The following KCNMA1 variants were observed in gnomAD, a reference collection of about 807,000 sequenced individuals.
The protein encoded by KCNMA1 is Calcium-activated potassium channel subunit alpha-1.
Under a neutral mutation model 140.0 loss-of-function variants are expected in KCNMA1, and 29 were observed. That is an observed-to-expected ratio of 0.21 (90% CI 0.15 to 0.28). The LOEUF (loss-of-function observed/expected upper bound fraction) is 0.28. Ranked by LOEUF, KCNMA1 falls within the 10% of genes least tolerant of loss-of-function variation. The pLI is 1.00. For synonymous variants in KCNMA1, 612 were observed against 611.9 expected, an observed-to-expected ratio of 1.00 and a Z score of 0.00; for missense variants, 880 against 1,602.2, an observed-to-expected ratio of 0.55 and a Z score of 7.70.
At chr10:77,424,024 A>T (rs1186102953) in intron 1 of KCNMA1, among the ~76,000 whole-genome samples, 1 of 152,226 alleles carries the variant, frequency 6.6e-6, no homozygotes. Flanking sequence ...TTGGCAGAGG[A>T]ATGGGACACT....
intron 1 of KCNMA1, among the ~76,000 whole-genome samples, chr10:77,515,203 A>T (rs954793365): frequency 6.6e-6 from 1 of 152,104 alleles, no homozygotes; most frequent in Non-Finnish European, 1.5e-5. Context: ...TGCATTCAGC[A>T]CCGGGGGATG....
intron 1 of KCNMA1, among the ~76,000 whole-genome samples, chr10:77,422,823 CG>C (rs1566749558): frequency 2.0e-5 from 3 of 152,166 alleles, no homozygotes; most frequent in African/African-American, 7.2e-5. Context: ...AGCAGAAACA[CG>C]GAAGATGCAA....
At chr10:76,902,664 C>T (rs2046006920) in intron 25 of KCNMA1, 1 of 152,180 alleles carries the variant, frequency 6.6e-6, no homozygotes, top group Non-Finnish European at 1.5e-5. Flanking sequence ...CAACGTGGCC[C>T]CCTGGTTATG....
chr10:76,937,520 T>C (rs943283701), intron 23 of KCNMA1, among the ~76,000 whole-genome samples: 1 of 152,174 alleles, frequency 6.6e-6, no homozygotes, highest in African/African-American at 2.4e-5. Flanking sequence ...CATGCAGAGG[T>C]CCTCAATGCA....
At chr10:77,600,869 G>A (rs960113615) in intron 1 of KCNMA1, among the ~76,000 whole-genome samples, 1 of 152,052 alleles carries the variant, frequency 6.6e-6, no homozygotes, top group Middle Eastern at 3.2e-3. Context: ...ATGCACCAAG[G>A]GCTTCTGTTC....
intron 1 of KCNMA1, among the ~76,000 whole-genome samples, chr10:77,557,876 C>T (rs183805590): frequency 7.9e-4 from 121 of 152,242 alleles, no homozygotes; most frequent in African/African-American, 2.8e-3. Flanking sequence ...TCTTGAACTC[C>T]TGACCTCAGG....
chr10:77,274,207 C>T (rs116400803), intron 2 of KCNMA1, among the ~76,000 whole-genome samples: 2,475 of 152,204 alleles, frequency 0.016, 64 homozygotes, highest in African/African-American at 0.056. Flanking sequence ...CCAGATATGG[C>T]CAGCCAGAAT....
intron 1 of KCNMA1, among the ~76,000 whole-genome samples, chr10:77,537,716 T>A (rs937476336): frequency 1.1e-3 from 167 of 152,086 alleles, no homozygotes; most frequent in African/African-American, 3.9e-3. Context: ...GAACAATCTA[T>A]TATTGTGACT....
intron 1 of KCNMA1, among the ~76,000 whole-genome samples, chr10:77,492,911 A>G (rs1290735138): frequency 6.6e-6 from 1 of 152,228 alleles, no homozygotes; most frequent in East Asian, 1.9e-4. Context: ...TATCATATTT[A>G]ATGCTCATAA....
chr10:77,421,497 G>C (rs751287926), intron 1 of KCNMA1, among the ~76,000 whole-genome samples: 2 of 152,164 alleles, frequency 1.3e-5, no homozygotes, highest in Non-Finnish European at 2.9e-5. Context: ...TTTAGCATAT[G>C]GTCTCTGTTG....
At chr10:77,351,679 G>A (rs1347949290) in intron 2 of KCNMA1, among the ~76,000 whole-genome samples, 1 of 152,118 alleles carries the variant, frequency 6.6e-6, no homozygotes, top group East Asian at 1.9e-4. Context: ...TCTGCAAATT[G>A]TTTATATGAG....
intron 5 of KCNMA1, among the ~76,000 whole-genome samples, chr10:77,123,111 C>T (rs1032826544): frequency 3.1e-5 from 4 of 129,598 alleles, no homozygotes; most frequent in Admixed American, 9.1e-5. Context: ...ACCCGGGAGG[C>T]GGAGCTTGCA....
intron 2 of KCNMA1, among the ~76,000 whole-genome samples, chr10:77,282,168 C>T (rs543440873): frequency 6.6e-6 from 1 of 152,288 alleles, no homozygotes; most frequent in Non-Finnish European, 1.5e-5. Flanking sequence ...TCCCTTAGAT[C>T]CCATCTCTCA....
intron 19 of KCNMA1, chr10:76,970,995 G>C (rs917002994): frequency 2.0e-5 from 3 of 152,184 alleles, no homozygotes; most frequent in African/African-American, 7.2e-5. Context: ...AGATGTATTA[G>C]CCTGCATCAT....
At chr10:77,278,429 T>C (rs1455687427) in intron 2 of KCNMA1, among the ~76,000 whole-genome samples, 1 of 152,036 alleles carries the variant, frequency 6.6e-6, no homozygotes, top group African/African-American at 2.4e-5. Context: ...CTATCAAAAG[T>C]AAGAAAAGTG....
At chr10:76,919,396 A>T (rs2054363612) in intron 23 of KCNMA1, among the ~76,000 whole-genome samples, 1 of 152,194 alleles carries the variant, frequency 6.6e-6, no homozygotes, top group Non-Finnish European at 1.5e-5. Flanking sequence ...TCCAATCTTC[A>T]GTGGCTGGTG....
intron 1 of KCNMA1, among the ~76,000 whole-genome samples, chr10:77,419,541 G>T (rs1020308654): frequency 6.6e-6 from 1 of 152,120 alleles, no homozygotes; most frequent in Non-Finnish European, 1.5e-5. Flanking sequence ...AAGGTGAGAC[G>T]CCAGCCAAGG....
At chr10:77,241,565 TTGAGCC>T (rs2057286121) in intron 3 of KCNMA1, among the ~76,000 whole-genome samples, 1 of 152,082 alleles carries the variant, frequency 6.6e-6, no homozygotes, top group South Asian at 2.1e-4. Context: ...GGAAGATTAC[TTGAGCC>T]CTGGAGGCAG....
chr10:77,554,696 G>A (rs2063769920), intron 1 of KCNMA1, among the ~76,000 whole-genome samples: 1 of 151,822 alleles, frequency 6.6e-6, no homozygotes, highest in African/African-American at 2.4e-5. Flanking sequence ...CTAAGGAAGA[G>A]TCCAAAAGAA....
Sources: allele counts gnomAD v4.1 joint callset (sites outside exome capture counted in the v4.1 genomes callset), GRCh38; gene constraint gnomAD v4.1.1; transcripts MANE v1.5; gene names NCBI Gene and HGNC (gene_info 2026-07-23, HGNC 2026-07-21).